The following OR9Q1 variants were observed in gnomAD, a reference collection of about 807,000 sequenced individuals.
OR9Q1 encodes the protein olfactory receptor family 9 subfamily Q member 1, also known as olfactory receptor 9Q1.
For missense variants in OR9Q1, 374 were observed against 378.8 expected (o/e 0.99, Z 0.11); for synonymous variants, 153 against 148.6 (o/e 1.03, Z -0.22).
chr11:58,118,678 A>G, intron 2 of OR9Q1: 1 of 1,614,042 alleles, frequency 6.2e-7, no homozygotes, highest in Non-Finnish European at 8.5e-7. Context: ...ATACATGAAG[A>G]TAAGGGCTCC....
intron 2 of OR9Q1, chr11:58,077,718 A>T (rs1003077197): frequency 3.3e-5 from 5 of 152,220 alleles, no homozygotes; most frequent in Admixed American, 3.3e-4. Flanking sequence ...TTCCTGAAGT[A>T]TTTCAAATGA....
At chr11:58,031,960 TCAATAACATTTAA>T in intron 1 of OR9Q1, 1 of 1,025,208 alleles carries the variant, frequency 9.8e-7, no homozygotes. Flanking sequence ...AACAGGTTAG[TCAATAACATTTAA>T]GCTGAGACCA....
intron 2 of OR9Q1, among the ~76,000 whole-genome samples, chr11:58,076,210 A>G (rs142237166): frequency 6.8e-4 from 103 of 152,334 alleles, no homozygotes; most frequent in African/African-American, 2.4e-3. Context: ...AAATTACTAC[A>G]TTTAGCAGCT....
At chr11:58,056,192 G>A (rs1425623353) in intron 2 of OR9Q1, among the ~76,000 whole-genome samples, 1 of 152,166 alleles carries the variant, frequency 6.6e-6, no homozygotes, top group African/African-American at 2.4e-5. Context: ...CTCCCACTAT[G>A]GCTAGATTGA....
intron 2 of OR9Q1, chr11:58,109,745 A>T: frequency 2.7e-6 from 1 of 367,286 alleles, no homozygotes; most frequent in Non-Finnish European, 5.3e-6. Context: ...TCAGCGTCAG[A>T]TGTTAAGTAA....
At chr11:58,083,311 G>T (rs1392726215) in intron 2 of OR9Q1, among the ~76,000 whole-genome samples, 9 of 151,686 alleles carry the variant, frequency 5.9e-5, no homozygotes, top group Non-Finnish European at 4.4e-5. Flanking sequence ...ATTTTTTAAT[G>T]AGGTTATTTG....
chr11:58,045,082 T>A (rs957557414), intron 1 of OR9Q1: 15 of 152,194 alleles, frequency 9.9e-5, no homozygotes, highest in Non-Finnish European at 1.9e-4. Context: ...CATAAATGAA[T>A]TTCATATTTA....
intron 2 of OR9Q1, among the ~76,000 whole-genome samples, chr11:58,082,968 C>A (rs1409169040): frequency 6.6e-6 from 1 of 150,574 alleles, no homozygotes; most frequent in Non-Finnish European, 1.5e-5. Context: ...ACAACAGTCC[C>A]CAGAGTGTAA....
chr11:58,074,767 T>G (rs1242831757), intron 2 of OR9Q1, among the ~76,000 whole-genome samples: 1 of 152,240 alleles, frequency 6.6e-6, no homozygotes, highest in Non-Finnish European at 1.5e-5. Context: ...TTAATCCATC[T>G]TAGTTAATTT....
At chr11:58,037,695 T>A (rs1160070983) in intron 1 of OR9Q1, among the ~76,000 whole-genome samples, 303 of 6,074 alleles carry the variant, frequency 0.05, 4 homozygotes, top group African/African-American at 0.069. Context: ...ATATATTTTT[T>A]TTTTTTTTTT....
At chr11:58,048,677 A>ATATATATATATATATATAT (rs796426109) in intron 1 of OR9Q1, among the ~76,000 whole-genome samples, 3 of 109,826 alleles carry the variant, frequency 2.7e-5, no homozygotes, top group African/African-American at 1.1e-4. Flanking sequence ...CTTAAAAAAA[A>ATATATATATATATATATAT]AAATATATAT....
chr11:58,100,092 G>A (rs1049837052), intron 2 of OR9Q1, among the ~76,000 whole-genome samples: 1 of 152,166 alleles, frequency 6.6e-6, no homozygotes, highest in African/African-American at 2.4e-5. Context: ...TCCCACGCCA[G>A]GTAGTCTCTC....
chr11:58,085,870 A>G (rs755471519), intron 2 of OR9Q1, among the ~76,000 whole-genome samples: 1 of 151,792 alleles, frequency 6.6e-6, no homozygotes, highest in African/African-American at 2.4e-5. Flanking sequence ...ACCCATCCAC[A>G]GGCAAAAGTG....
At chr11:58,041,990 A>G (rs1241406150) in intron 1 of OR9Q1, among the ~76,000 whole-genome samples, 1 of 152,226 alleles carries the variant, frequency 6.6e-6, no homozygotes, top group Non-Finnish European at 1.5e-5. Context: ...CATTGTGGTA[A>G]TGTTGTAATT....
In OR9Q1 at chr11:58,179,848, T is replaced by C. The variant is rs1232036922; in HGVS notation, c.404T>C (p.Ile135Thr). ...TGCCAGCCCCTGCTTTATGTCACCATCCTGACACAGCAGGCCCGCTTGAGT... is the reference window on the plus strand; with the variant it reads ...TGCCAGCCCCTGCTTTATGTCACCACCCTGACACAGCAGGCCCGCTTGAGT... ...AVCQPLLYVT[I>T]LTQQARLSLV... The change falls in exon 3 of 3, where the codon ATC (isoleucine) becomes ACC (threonine). Residue 135 changes from isoleucine (I) to threonine (T), a missense_variant. Ile to Thr is a moderately conservative substitution (Grantham distance 89). Coordinates refer to ENST00000335397, the MANE Select transcript of OR9Q1 (RefSeq NM_001005212.4). 1 of 1,614,060 alleles carries C rather than the reference T, an allele frequency of 6.2e-7. No individual in the cohort carries two copies. The highest frequency in any genetic ancestry group is 1.3e-5 in the African/African-American group (1 of 74,940).
At chr11:58,035,584 T>C (rs1853093549) in intron 1 of OR9Q1, among the ~76,000 whole-genome samples, 1 of 152,194 alleles carries the variant, frequency 6.6e-6, no homozygotes. Flanking sequence ...CTATAGAATA[T>C]GGAAGAGGAA....
intron 2 of OR9Q1, among the ~76,000 whole-genome samples, chr11:58,129,873 A>AT (rs1042644290): frequency 2.7e-4 from 41 of 150,348 alleles, no homozygotes; most frequent in Non-Finnish European, 7.4e-5. Context: ...TTTTCAAATT[A>AT]TTTTTTGCTT....
At chr11:58,066,827 C>T (rs1419037900) in intron 2 of OR9Q1, among the ~76,000 whole-genome samples, 1 of 152,122 alleles carries the variant, frequency 6.6e-6, no homozygotes, top group Non-Finnish European at 1.5e-5. Context: ...CAGAAATAAT[C>T]CGGTGATGCA....
intron 2 of OR9Q1, among the ~76,000 whole-genome samples, chr11:58,093,871 A>G (rs566427029): frequency 1.2e-3 from 188 of 152,156 alleles, no homozygotes; most frequent in African/African-American, 4.3e-3. Flanking sequence ...CACAACCTCT[A>G]GAAAAATATA....
Sources: allele counts gnomAD v4.1 joint callset (sites outside exome capture counted in the v4.1 genomes callset), GRCh38; gene constraint gnomAD v4.1.1; transcripts MANE v1.5; gene names NCBI Gene and HGNC (gene_info 2026-07-23, HGNC 2026-07-21).